IL17RD: variants seen among roughly 807,000 people sequenced by gnomAD.
IL17RD encodes the protein interleukin-17 receptor D.
A neutral mutation model predicts 80.5 loss-of-function variants in IL17RD; 52 were observed. That is an observed-to-expected ratio of 0.65 (90% CI 0.52 to 0.81). The LOEUF (loss-of-function observed/expected upper bound fraction) is 0.81. IL17RD is among the 40% of genes least tolerant of loss of function. IL17RD has a pLI of 0.00. For synonymous variants in IL17RD, 416 were observed against 391.8 expected, an observed-to-expected ratio of 1.06 and a Z score of -0.73; for missense variants, 1,024 against 955.1, an observed-to-expected ratio of 1.07 and a Z score of -0.95.
Position 57,097,902 on chromosome 3 carries a change from A to G in IL17RD, c.1801T>C (p.Phe601Leu), listed in dbSNP as rs573218837. 6.2e-7 allele frequency: 1 copy of G among 1,614,038 alleles called. No individual in the cohort carries two copies. The highest frequency in any genetic ancestry group is 2.2e-5 in the East Asian group (1 of 44,882). ...ACAGCCGCCTCTACCTTTAGGCAGA[A>G]GTCACTCTCAGGCCCTGGTTTGCAC... ...VMCKPGPESD[F>L]CLKVEAAVLG... The change falls in exon 12 of 13, where the codon TTC becomes CTC. Residue 601 changes from phenylalanine (F) to leucine (L), a missense_variant. Physicochemically the swap from Phe to Leu is conservative, Grantham distance 22 (BLOSUM62 0). Transcript: ENST00000296318.
rs1019507291 is a variant in IL17RD, at chr3:57,165,333, C to A, written c.-47G>T. On this transcript the variant is annotated 5_prime_UTR_variant, in exon 1 of 13. Coordinates refer to ENST00000296318, the MANE Select transcript of IL17RD (RefSeq NM_017563.5). ...GGCCGTTCTCTGCGCCCCGGCCGCC[C>A]GCCGCTGGCCAGCCCCGAGTGGGCG... 4 of 1,295,382 alleles carry A rather than the reference C, an allele frequency of 3.1e-6. No individual in the cohort carries two copies. The highest frequency in any genetic ancestry group is 4.5e-5 in the South Asian group (2 of 44,310). 80.2% of individuals were successfully genotyped at this position (1,295,382 alleles called of 1,614,324 possible).
rs1360336606 is a variant in IL17RD at position 57,092,416 on chromosome 3, G to C, written c.*3977C>G. ...ATCCTGGCTAACACAGTGAAACCCCGTCTCTACTAAAAATACAAAAAAATT... is the reference window on the plus strand; with the variant it reads ...ATCCTGGCTAACACAGTGAAACCCCCTCTCTACTAAAAATACAAAAAAATT... On this transcript the variant is annotated 3_prime_UTR_variant, in exon 13 of 13. Transcript: ENST00000296318. 1 of 152,140 alleles carries C rather than the reference G, an allele frequency of 6.6e-6. No homozygotes were observed. The highest frequency in any genetic ancestry group is 6.6e-5 in the Admixed American group (1 of 15,214). 9.4% of individuals were successfully genotyped at this position (152,140 alleles called of 1,614,324 possible).
chr3:57,131,697 T>C (rs1329317119), intron 1 of IL17RD, among the ~76,000 whole-genome samples: 5 of 152,216 alleles, frequency 3.3e-5, no homozygotes, highest in Non-Finnish European at 7.3e-5. Context: ...TTACCAAGAC[T>C]CACAGCTTTT....
intron 9 of IL17RD, 29 bp downstream of exon 9, chr3:57,103,062 A>T (rs2247656): frequency 6.4e-7 from 1 of 1,550,718 alleles, no homozygotes; most frequent in Non-Finnish European, 8.8e-7. Context: ...AGTAGTCTAG[A>T]GCCAAATTTC....
chr3:57,119,723 CTG>C (rs1474123116), intron 2 of IL17RD, among the ~76,000 whole-genome samples: 2 of 151,562 alleles, frequency 1.3e-5, no homozygotes, highest in South Asian at 4.2e-4. Flanking sequence ...CAGATTCACT[CTG>C]TGTGAAATTT....
In IL17RD at chr3:57,114,679, T is replaced by A; in HGVS notation, c.310+13A>T. 6 of 1,595,764 alleles carry A rather than the reference T, an allele frequency of 3.8e-6. No homozygotes were observed. Among genetic ancestry groups the A allele is most frequent in the Non-Finnish European group, 5.1e-6 (6 of 1,172,982 alleles). ...CCAGGTTATCACCATGCACTCGATTTTTGACCACTCACCGAGGGCCCCTGG... is the reference window on the plus strand; with the variant it reads ...CCAGGTTATCACCATGCACTCGATTATTGACCACTCACCGAGGGCCCCTGG... On this transcript the variant is annotated intron_variant, in intron 3 of 12. Transcript: ENST00000296318.
intron 1 of IL17RD, among the ~76,000 whole-genome samples, chr3:57,146,304 C>T (rs1000566249): frequency 6.6e-6 from 1 of 152,174 alleles, no homozygotes; most frequent in Admixed American, 6.5e-5. Context: ...TACTAAGCGA[C>T]ATTTCGCCCA....
intron 1 of IL17RD, among the ~76,000 whole-genome samples, chr3:57,153,898 G>C (rs940119342): frequency 6.6e-6 from 1 of 151,934 alleles, no homozygotes; most frequent in Non-Finnish European, 1.5e-5. Context: ...GCCTGCTTGA[G>C]GGGTTGGGGG....
At chr3:57,136,883 A>C (rs1284292177) in intron 1 of IL17RD, among the ~76,000 whole-genome samples, 1 of 149,806 alleles carries the variant, frequency 6.7e-6, no homozygotes, top group African/African-American at 2.4e-5. Flanking sequence ...AACAAAGCTA[A>C]AAGACACGAA....
At chr3:57,105,131 CTCA>C (rs1706924997) in intron 7 of IL17RD, among the ~76,000 whole-genome samples, 1 of 152,154 alleles carries the variant, frequency 6.6e-6, no homozygotes, top group South Asian at 2.1e-4. Flanking sequence ...CCTCAGCTTT[CTCA>C]TCTGTAAAAT....
At chr3:57,138,939 CA>C (rs1026336884) in intron 1 of IL17RD, among the ~76,000 whole-genome samples, 721 of 40,510 alleles carry the variant, frequency 0.018, no homozygotes, top group East Asian at 0.056. Flanking sequence ...AACTCCATCT[CA>C]AAAAAAAAAA....
At chr3:57,138,641 C>T (rs998413814) in intron 1 of IL17RD, among the ~76,000 whole-genome samples, 25 of 152,116 alleles carry the variant, frequency 1.6e-4, no homozygotes, top group Admixed American at 5.2e-4. Flanking sequence ...AAGGCAATAA[C>T]GAGAATACTG....
At chr3:57,155,577 G>C (rs903226469) in intron 1 of IL17RD, among the ~76,000 whole-genome samples, 2 of 152,200 alleles carry the variant, frequency 1.3e-5, no homozygotes, top group African/African-American at 2.4e-5. Context: ...CCAATGTTAA[G>C]AAAGCAATTT....
At chr3:57,111,244 A>G (rs540582780) in intron 3 of IL17RD, among the ~76,000 whole-genome samples, 11 of 152,384 alleles carry the variant, frequency 7.2e-5, no homozygotes, top group South Asian at 6.2e-4. Context: ...TTTATTGATG[A>G]TAAAGGCCAG....
chr3:57,103,172 T>A (rs372879636), intron 8 of IL17RD, 27 bp from the exon 9 acceptor site: 132 of 1,576,996 alleles, frequency 8.4e-5, no homozygotes, highest in Admixed American at 1.6e-4. Flanking sequence ...GCTGCATTAT[T>A]TTTTTTTAAA....
At chr3:57,162,308 T>C (rs2060310435) in intron 1 of IL17RD, among the ~76,000 whole-genome samples, 1 of 152,262 alleles carries the variant, frequency 6.6e-6, no homozygotes, top group South Asian at 2.1e-4. Flanking sequence ...TCTCAGGTTC[T>C]GAGTATGGCC....
At chr3:57,124,351 TAAGTTC>T (rs993882369) in intron 1 of IL17RD, among the ~76,000 whole-genome samples, 28 of 152,258 alleles carry the variant, frequency 1.8e-4, no homozygotes, top group Admixed American at 3.3e-4. Context: ...GAGATGTAAT[TAAGTTC>T]AAGTATCCTG....
rs368051252 is a variant in IL17RD at position 57,142,144 on chromosome 3, G to C, written c.127-21831C>G. 5.9e-5 allele frequency among the ~76,000 whole-genome samples: 9 copies of C among 152,290 alleles called. No individual in the cohort carries two copies. In the East Asian group the frequency reaches 9.7e-4, roughly 16 times the overall value. ...TCAAAGACTTCAAGAGAGGCATAAAGGGCAAAGCTTCGGACTAGCTAAAGG... is the reference window on the plus strand; with the variant it reads ...TCAAAGACTTCAAGAGAGGCATAAACGGCAAAGCTTCGGACTAGCTAAAGG... On this transcript the variant is annotated intron_variant, in intron 1 of 12. Transcript: ENST00000296318.
At chr3:57,157,954 A>G (rs1486155998) in intron 1 of IL17RD, among the ~76,000 whole-genome samples, 1 of 152,252 alleles carries the variant, frequency 6.6e-6, no homozygotes, top group Non-Finnish European at 1.5e-5. Context: ...ATGACCAAAC[A>G]GAACACTTGG....
Sources: allele counts gnomAD v4.1 joint callset (sites outside exome capture counted in the v4.1 genomes callset), GRCh38; gene constraint gnomAD v4.1.1; transcripts MANE v1.5; gene names NCBI Gene and HGNC (gene_info 2026-07-23, HGNC 2026-07-21).